PODXL2: variants seen among roughly 807,000 people sequenced by gnomAD.
PODXL2 encodes podocalyxin-like protein 2.
A neutral mutation model predicts 53.4 loss-of-function variants in PODXL2; 17 were observed. That is an observed-to-expected ratio of 0.32 (90% CI 0.22 to 0.48). The LOEUF (loss-of-function observed/expected upper bound fraction) is 0.48. Among genes scored for constraint, PODXL2 ranks in the 20% least tolerant of loss-of-function variants. PODXL2 has a pLI of 0.99. For synonymous variants in PODXL2, 311 were observed against 306.7 expected (o/e 1.01, Z -0.15); for missense variants, 673 against 760.0 (o/e 0.89, Z 1.35).
chr3:127,629,328 G>T lies in PODXL2; in HGVS notation c.70+39G>T. The stretch of plus-strand genomic sequence containing the variant: ...GGGCCCGAGCGCGGGAGGGCGGGCG[G>T]CGGCGTGGGCGCGGTGCTGGACAGC... On this transcript the variant is annotated intron_variant, in intron 1 of 7. Transcript: ENST00000342480. This position sits in a 1 kb window ranked among gnomAD's most constrained non-coding sequence, Gnocchi z 6.4. The T allele has an allele frequency of 9.9e-7, 1 of 1,010,596 alleles. No homozygotes were observed. 62.6% of individuals were successfully genotyped at this position (1,010,596 alleles called of 1,614,324 possible). A position where few individuals can be genotyped will look rare whatever the true frequency, so the allele number is the denominator to read the frequency against.
In PODXL2 at chr3:127,661,010, T is replaced by C; in HGVS notation, c.982T>C (p.Ser328Pro). The C allele has an allele frequency of 6.2e-7, 1 of 1,614,160 alleles. No homozygotes were observed. Among genetic ancestry groups the C allele is most frequent in the Non-Finnish European group, 8.5e-7 (1 of 1,180,032 alleles). Reference protein sequence around the residue: ...AEHPDEDPLGSRTSASSPLAP... With the variant: ...AEHPDEDPLGPRTSASSPLAP... The stretch of plus-strand genomic sequence containing the variant: ...GCACCCAGATGAAGATCCCCTTGGC[T>C]CTAGAACCTCAGCCTCTTCCCCACT... The change falls in exon 3 of 8, where the codon TCT (serine) becomes CCT (proline). Residue 328 changes from serine to proline, a missense_variant. By Grantham distance (74) the Ser-to-Pro change is moderately conservative. Coordinates refer to ENST00000342480, the MANE Select transcript of PODXL2 (RefSeq NM_015720.4).
rs574454326 is a variant in PODXL2, at chr3:127,651,714, G to T, written c.350-8664G>T. The stretch of plus-strand genomic sequence containing the variant: ...CCACGGATACACCTGCCGTGAGCTG[G>T]GCTGTGTGGATGCTGAGAGGAGCAG... On this transcript the variant is annotated intron_variant, in intron 2 of 7. Transcript: ENST00000342480. Among the ~76,000 whole-genome samples, 6 of 152,364 alleles carry T rather than the reference G, an allele frequency of 3.9e-5. No homozygotes were observed. The South Asian group carries it at 1.2e-3, about 32-fold the overall frequency.
At chr3:127,651,709 A>G (rs2107709168) in intron 2 of PODXL2, among the ~76,000 whole-genome samples, 1 of 152,300 alleles carries the variant, frequency 6.6e-6, no homozygotes, top group East Asian at 1.9e-4. Flanking sequence ...ACCTGCCGTG[A>G]GCTGGGCTGT....
intron 4 of PODXL2, among the ~76,000 whole-genome samples, chr3:127,666,826 A>G (rs975380618): frequency 1.3e-5 from 2 of 152,228 alleles, no homozygotes; most frequent in East Asian, 1.9e-4. Context: ...CCACACTGAC[A>G]TTGTGGGTCT....
chr3:127,636,793 G>A lies in PODXL2; in HGVS notation c.71-2452G>A, dbSNP rs146343384. The stretch of plus-strand genomic sequence containing the variant: ...AGTGCCATTGGCTCCCACCTGCCCA[G>A]GGTCACAGCTTGCCCACCCTTTAGG... On this transcript the variant is annotated intron_variant, in intron 1 of 7. Transcript: ENST00000342480. Among the ~76,000 whole-genome samples the A allele has an allele frequency of 3.7e-4, 56 of 152,272 alleles. No homozygotes were observed. In the East Asian group the frequency reaches 0.011, roughly 29 times the overall value.
At chr3:127,668,161 C>T (rs1271503749) in intron 4 of PODXL2, among the ~76,000 whole-genome samples, 3 of 152,026 alleles carry the variant, frequency 2.0e-5, no homozygotes, top group Admixed American at 6.6e-5. Context: ...CCCCGCCCCG[C>T]TCAACTGCAT....
intron 4 of PODXL2, among the ~76,000 whole-genome samples, chr3:127,663,429 G>A (rs1236254373): frequency 6.6e-6 from 1 of 152,124 alleles, no homozygotes; most frequent in Admixed American, 6.5e-5. Flanking sequence ...GTTTTGCTTT[G>A]TCTCTGGTTT....
intron 2 of PODXL2, among the ~76,000 whole-genome samples, chr3:127,656,916 C>G (rs1017861839): frequency 1.3e-5 from 2 of 151,630 alleles, no homozygotes; most frequent in African/African-American, 4.8e-5. Flanking sequence ...TGTAGTGGCC[C>G]TGTGGTCCCA....
chr3:127,672,138 A>G, intron 7 of PODXL2, 130 bp from the exon 8 acceptor site: 1 of 661,772 alleles, frequency 1.5e-6, no homozygotes, highest in Non-Finnish European at 2.6e-6. Flanking sequence ...GCAGCAACAG[A>G]AAAGAAGGAT....
intron 2 of PODXL2, among the ~76,000 whole-genome samples, chr3:127,645,271 A>G (rs1314793058): frequency 6.6e-6 from 1 of 152,196 alleles, no homozygotes; most frequent in Admixed American, 6.5e-5. Flanking sequence ...CTTGGATGTA[A>G]TGGAGCTGGA....
intron 1 of PODXL2, among the ~76,000 whole-genome samples, chr3:127,638,506 C>T (rs1465065977): frequency 3.9e-5 from 6 of 152,058 alleles, no homozygotes; most frequent in Non-Finnish European, 7.4e-5. Context: ...CTTGAGGTCA[C>T]GAGTTCAAAA....
chr3:127,634,332 G>C (rs2074564778), intron 1 of PODXL2, among the ~76,000 whole-genome samples: 2 of 152,092 alleles, frequency 1.3e-5, no homozygotes, highest in South Asian at 4.1e-4. Context: ...GGCTGAGGCA[G>C]GAGAATCGCT....
intron 2 of PODXL2, among the ~76,000 whole-genome samples, chr3:127,642,270 A>G (rs1253727955): frequency 6.7e-6 from 1 of 149,150 alleles, no homozygotes; most frequent in East Asian, 2.0e-4. Flanking sequence ...AGCCTGGGGG[A>G]CAGAGCGAGA....
chr3:127,665,802 T>G (rs1576435239), intron 4 of PODXL2: 1 of 286,392 alleles, frequency 3.5e-6, no homozygotes, highest in Non-Finnish European at 7.2e-6. Context: ...GGCTGCAGAG[T>G]TTCTCAGTGC....
Position 127,639,302 on chromosome 3 carries a change from C to T in PODXL2, c.128C>T (p.Thr43Ile), listed in dbSNP as rs1272113393. The change falls in exon 2 of 8, where the codon ACC becomes ATC. Residue 43 changes from threonine to isoleucine, a missense_variant. Thr to Ile is a moderately conservative substitution (Grantham distance 89). Coordinates refer to ENST00000342480, the MANE Select transcript of PODXL2 (RefSeq NM_015720.4). ...GATGAGCCTGGCCCAGAGGGCCTCA[C>T]CTCCACCTCCCTGCTAGACCTCCTG... ...GSDEPGPEGL[T>I]STSLLDLLLP... 6.2e-7 allele frequency: 1 copy of T among 1,613,510 alleles called. No homozygotes were observed. Among genetic ancestry groups the T allele is most frequent in the African/African-American group, 1.3e-5 (1 of 74,934 alleles).
intron 1 of PODXL2, among the ~76,000 whole-genome samples, chr3:127,632,259 G>A (rs533785242): frequency 1.8e-4 from 28 of 152,248 alleles, no homozygotes; most frequent in African/African-American, 6.5e-4. Context: ...GGGTGTAGAC[G>A]GCAGCAGCCT....
intron 2 of PODXL2, among the ~76,000 whole-genome samples, chr3:127,645,525 C>T (rs977648561): frequency 2.6e-5 from 4 of 152,296 alleles, no homozygotes; most frequent in South Asian, 4.1e-4. Flanking sequence ...GGCTCCTGAC[C>T]GAGCATGGGA....
chr3:127,651,732 A>C (rs1259925515), intron 2 of PODXL2, among the ~76,000 whole-genome samples: 5 of 152,188 alleles, frequency 3.3e-5, no homozygotes, highest in Admixed American at 3.3e-4. Context: ...GGATGCTGAG[A>C]GGAGCAGAGA....
At chr3:127,631,801 T>C (rs1473865871) in intron 1 of PODXL2, among the ~76,000 whole-genome samples, 1 of 152,222 alleles carries the variant, frequency 6.6e-6, no homozygotes, top group Non-Finnish European at 1.5e-5. Context: ...TTTGAAAATA[T>C]CAAGTTCTAT....
Sources: gnomAD v4.1 joint callset for allele counts (sites outside exome capture counted in the v4.1 genomes callset) on GRCh38, gnomAD v4.1.1 for gene constraint, Gnocchi (gnomAD v3.1) non-coding constraint, MANE v1.5 for transcripts, NCBI Gene and HGNC (gene_info 2026-07-23, HGNC 2026-07-21) for gene names.